Variants in CACNA1C observed in about 807,000 individuals in gnomAD.
CACNA1C encodes voltage-dependent L-type calcium channel subunit alpha-1C.
A neutral mutation model predicts 229.0 loss-of-function variants in CACNA1C; 30 were observed. That is an observed-to-expected ratio of 0.13 (90% CI 0.10 to 0.18). The LOEUF is 0.18. CACNA1C is among the 10% of genes least tolerant of loss of function. The pLI is 1.00. For synonymous variants in CACNA1C, 1,114 were observed against 1,132.5 expected, an observed-to-expected ratio of 0.98 and a Z score of 0.33; for missense variants, 1,658 against 2,845.0, an observed-to-expected ratio of 0.58 and a Z score of 9.49.
At position 2,693,400 on chromosome 12, in the gene CACNA1C, A is replaced by T. The variant is rs1005233320; in HGVS notation, c.*2201A>T. Reference sequence around the variant, plus strand: ...AGGAAAGTGTACACTAACCGGGAGGATAAAATTAAAGTCAGGCTGCTTGGA... The same window carrying T: ...AGGAAAGTGTACACTAACCGGGAGGTTAAAATTAAAGTCAGGCTGCTTGGA... On this transcript the variant is annotated 3_prime_UTR_variant, in exon 47 of 47. Coordinates refer to ENST00000399655, the MANE Select transcript of CACNA1C (RefSeq NM_000719.7). 1 of 152,150 alleles carries T rather than the reference A, an allele frequency of 6.6e-6. No individual in the cohort carries two copies. The highest frequency in any genetic ancestry group is 1.9e-4 in the East Asian group (1 of 5,188). The allele number at this position is 152,150 out of a possible 1,614,324, so 9.4% of individuals were successfully genotyped here.
intron 3 of CACNA1C, among the ~76,000 whole-genome samples, chr12:2,321,870 C>T (rs999151282): frequency 5.3e-5 from 8 of 152,086 alleles, no homozygotes; most frequent in African/African-American, 1.9e-4. Context: ...GTTCCTTCCT[C>T]GAAGGTAAAG....
chr12:1,981,398 C>T (rs1052422706), intron 1 of CACNA1C, among the ~76,000 whole-genome samples: 5 of 152,198 alleles, frequency 3.3e-5, no homozygotes, highest in African/African-American at 1.2e-4. Context: ...TAATTGTGCA[C>T]ATTTAATGCA....
chr12:2,417,927 C>A (rs1393480453), intron 3 of CACNA1C, among the ~76,000 whole-genome samples: 3 of 151,914 alleles, frequency 2.0e-5, no homozygotes, highest in African/African-American at 7.3e-5. Context: ...TCAGCAAATA[C>A]CTGTGCGGGG....
intron 18 of CACNA1C, among the ~76,000 whole-genome samples, chr12:2,586,141 C>T (rs1348249100): frequency 6.6e-6 from 1 of 152,126 alleles, no homozygotes; most frequent in Admixed American, 6.5e-5. Context: ...GCTTTTGTGT[C>T]CTTTCCAAGT....
chr12:2,413,399 C>A (rs2098830212), intron 3 of CACNA1C, among the ~76,000 whole-genome samples: 2 of 152,130 alleles, frequency 1.3e-5, no homozygotes, highest in South Asian at 4.1e-4. Flanking sequence ...TATCCTATCC[C>A]CATAGGCCCC....
intron 3 of CACNA1C, among the ~76,000 whole-genome samples, chr12:2,342,001 C>T (rs973797119): frequency 9.8e-5 from 15 of 152,308 alleles, no homozygotes; most frequent in Admixed American, 9.8e-4. Context: ...GACCCAACCT[C>T]ACGGGTTAAA....
At chr12:2,384,603 A>C (rs2098335192) in intron 3 of CACNA1C, among the ~76,000 whole-genome samples, 1 of 152,138 alleles carries the variant, frequency 6.6e-6, no homozygotes, top group Non-Finnish European at 1.5e-5. Context: ...TTTTCCTGGT[A>C]GACAACCCTG....
At chr12:2,031,193 C>A (rs984587568) in intron 1 of CACNA1C, among the ~76,000 whole-genome samples, 5 of 152,216 alleles carry the variant, frequency 3.3e-5, no homozygotes, top group African/African-American at 9.7e-5. Flanking sequence ...ACCAGGCAGA[C>A]CCTCTCCTCC....
intron 3 of CACNA1C, among the ~76,000 whole-genome samples, chr12:2,178,858 T>TC (rs1479056203): frequency 2.0e-5 from 3 of 152,020 alleles, no homozygotes; most frequent in Non-Finnish European, 4.4e-5. Flanking sequence ...GGTCAGGAGT[T>TC]CAAGACCAGC....
intron 3 of CACNA1C, among the ~76,000 whole-genome samples, chr12:2,218,193 G>A (rs755405906): frequency 1.3e-5 from 2 of 152,166 alleles, no homozygotes; most frequent in African/African-American, 4.8e-5. Context: ...CCTCTCCGTA[G>A]CCTCTCACTC....
intron 3 of CACNA1C, among the ~76,000 whole-genome samples, chr12:2,239,674 C>T (rs574500302): frequency 6.6e-6 from 1 of 152,282 alleles, no homozygotes; most frequent in Non-Finnish European, 1.5e-5. Context: ...CCAATTTTAG[C>T]GGTGTTACCA....
At chr12:2,195,754 A>G (rs1258773907) in intron 3 of CACNA1C, among the ~76,000 whole-genome samples, 1 of 152,198 alleles carries the variant, frequency 6.6e-6, no homozygotes, top group Non-Finnish European at 1.5e-5. Flanking sequence ...CTGGAATTCG[A>G]CAGTGCTTAG....
chr12:2,153,866 T>A (rs1597463086), intron 3 of CACNA1C, among the ~76,000 whole-genome samples: 1 of 152,234 alleles, frequency 6.6e-6, no homozygotes. Flanking sequence ...ATCTGAAATA[T>A]TAACTGTCTC....
At chr12:2,329,564 A>G (rs939305784) in intron 3 of CACNA1C, among the ~76,000 whole-genome samples, 3 of 152,066 alleles carry the variant, frequency 2.0e-5, no homozygotes, top group Non-Finnish European at 4.4e-5. Context: ...CTCTATCCCG[A>G]CTTGTCACTT....
At position 2,641,651 on chromosome 12, in the gene CACNA1C, C is replaced by A; in HGVS notation, c.3913-6824C>A. On this transcript the variant is annotated intron_variant, in intron 30 of 46. Transcript: ENST00000399655. ...CAAAATGAAGTGATTCCAGCACAGT[C>A]ATTCATGCTGGGTGGTAGCAACTCA... 4.3e-6 allele frequency: 3 copies of A among 696,382 alleles called. No individual in the cohort carries two copies. In the South Asian group the frequency reaches 4.5e-5, roughly 10 times the overall value. The allele number at this position is 696,382 out of a possible 1,614,324, so 43.1% of individuals were successfully genotyped here. A position where few individuals can be genotyped will look rare whatever the true frequency, so the allele number is the denominator to read the frequency against.
chr12:2,141,914 A>G (rs934351462), intron 3 of CACNA1C, among the ~76,000 whole-genome samples: 1 of 151,270 alleles, frequency 6.6e-6, no homozygotes, highest in Admixed American at 6.6e-5. Context: ...AGCCTGCATG[A>G]GGATACCATA....
At chr12:2,072,249 A>G (rs1158475303) in intron 1 of CACNA1C, among the ~76,000 whole-genome samples, 1 of 152,056 alleles carries the variant, frequency 6.6e-6, no homozygotes, top group African/African-American at 2.4e-5. Flanking sequence ...CCCAGGCTGG[A>G]GTGCAGTGAT....
chr12:2,446,386 GGATGGGT>G, intron 3 of CACNA1C, among the ~76,000 whole-genome samples: 1 of 134,264 alleles, frequency 7.4e-6, no homozygotes, highest in Non-Finnish European at 1.7e-5. Context: ...ATGGATGGAT[GGATGGGT>G]GGATGGATAG....
At chr12:2,513,125 G>A (rs1385478172) in intron 9 of CACNA1C, 141 bp downstream of exon 9, 5 of 565,306 alleles carry the variant, frequency 8.8e-6, no homozygotes, top group Admixed American at 6.3e-5. Context: ...TCTCACTGAT[G>A]GCAGTCACTT....
Sources: allele counts gnomAD v4.1 joint callset (sites outside exome capture counted in the v4.1 genomes callset), GRCh38; gene constraint gnomAD v4.1.1; transcripts MANE v1.5; gene names NCBI Gene and HGNC (gene_info 2026-07-23, HGNC 2026-07-21).